Variants in PLPP4 observed in about 807,000 individuals in gnomAD.
PLPP4 encodes the protein phospholipid phosphatase 4.
A neutral mutation model predicts 32.2 loss-of-function variants in PLPP4; 20 were observed. That is an observed-to-expected ratio of 0.62 (90% CI 0.44 to 0.90). PLPP4 has a LOEUF of 0.90. Ranked by LOEUF, PLPP4 falls within the 40% of genes least tolerant of loss-of-function variation. PLPP4 has a pLI of 0.00. For missense variants in PLPP4, 257 were observed against 353.1 expected, an observed-to-expected ratio of 0.73 and a Z score of 2.18; for synonymous variants, 127 against 133.0, an observed-to-expected ratio of 0.95 and a Z score of 0.31.
chr10:120,573,867 A>G (rs11596999), intron 5 of PLPP4, among the ~76,000 whole-genome samples: 1 of 151,856 alleles, frequency 6.6e-6, no homozygotes, highest in Non-Finnish European at 1.5e-5. Flanking sequence ...AAATGCCTGC[A>G]TGATGCCCAG....
chr10:120,493,539 G>A (rs774955342), intron 1 of PLPP4, among the ~76,000 whole-genome samples: 1 of 152,124 alleles, frequency 6.6e-6, no homozygotes, highest in African/African-American at 2.4e-5. Flanking sequence ...TTACCCGCAC[G>A]GCCTGTTCTG....
intron 1 of PLPP4, among the ~76,000 whole-genome samples, chr10:120,460,573 G>A (rs550629880): frequency 6.6e-6 from 1 of 152,128 alleles, no homozygotes; most frequent in South Asian, 2.1e-4. Context: ...GCCTGATGAA[G>A]GGGGTATATT....
intron 5 of PLPP4, among the ~76,000 whole-genome samples, chr10:120,547,686 C>T (rs145902268): frequency 3.4e-4 from 51 of 152,222 alleles, no homozygotes; most frequent in Admixed American, 2.8e-3. Flanking sequence ...CATGAGGCAC[C>T]ATACCTTTCC....
chr10:120,526,471 CCTTTA>C (rs1846395744), intron 5 of PLPP4, among the ~76,000 whole-genome samples: 2 of 152,106 alleles, frequency 1.3e-5, no homozygotes, highest in Admixed American at 1.3e-4. Flanking sequence ...TAGCGTCTGG[CCTTTA>C]CTTTGAGGCT....
chr10:120,457,547 G>A (rs1244669297), intron 1 of PLPP4, among the ~76,000 whole-genome samples, 186 bp downstream of exon 1: 1 of 152,112 alleles, frequency 6.6e-6, no homozygotes, highest in East Asian at 1.9e-4. Context: ...CTCCTTCCTG[G>A]GACCCTAGGC....
intron 1 of PLPP4, among the ~76,000 whole-genome samples, chr10:120,485,672 C>G (rs1159441976): frequency 6.6e-6 from 1 of 152,090 alleles, no homozygotes; most frequent in African/African-American, 2.4e-5. Context: ...ATTATTGATT[C>G]ATTCATTAGG....
At chr10:120,576,310 C>T (rs557776004) in intron 6 of PLPP4, among the ~76,000 whole-genome samples, 82 of 152,302 alleles carry the variant, frequency 5.4e-4, no homozygotes, top group Non-Finnish European at 1.0e-3. Flanking sequence ...TCTTGTTTTC[C>T]GACTGTTGCT....
Position 120,589,351 on chromosome 10 carries a change from A to G in PLPP4, c.665A>G (p.Tyr222Cys), listed in dbSNP as rs1365270308. ...GGCCTCATTTTTGCATACATTTGCT[A>G]CAGACAGCACTATCCTCCTCTGGCC... ...VIGLIFAYIC[Y>C]RQHYPPLANT... Residue 222 changes from tyrosine (Y) to cysteine (C), a missense_variant, in exon 7 of 7, where the codon TAC becomes TGC. Physicochemically the swap from Tyr to Cys is radical, Grantham distance 194. Coordinates refer to ENST00000398250, the MANE Select transcript of PLPP4 (RefSeq NM_001030059.3). 2 of 1,613,994 alleles carry G rather than the reference A, an allele frequency of 1.2e-6. No individual in the cohort carries two copies. The highest frequency in any genetic ancestry group is 1.7e-6 in the Non-Finnish European group (2 of 1,180,030).
chr10:120,574,776 T>C (rs1326402332), intron 5 of PLPP4, among the ~76,000 whole-genome samples: 1 of 152,208 alleles, frequency 6.6e-6, no homozygotes, highest in African/African-American at 2.4e-5. Context: ...GGTATGTCCT[T>C]CAACTAGACC....
At chr10:120,488,313 G>T (rs537387823) in intron 1 of PLPP4, among the ~76,000 whole-genome samples, 10 of 152,214 alleles carry the variant, frequency 6.6e-5, no homozygotes, top group Non-Finnish European at 1.2e-4. Context: ...GAATGAATGA[G>T]TGAGTGAATG....
intron 5 of PLPP4, among the ~76,000 whole-genome samples, chr10:120,541,584 A>G (rs578261220): frequency 1.3e-5 from 2 of 152,320 alleles, no homozygotes; most frequent in South Asian, 4.1e-4. Flanking sequence ...GGGGGGACAT[A>G]TATTTACTCA....
intron 1 of PLPP4, among the ~76,000 whole-genome samples, chr10:120,462,567 G>T (rs535812489): frequency 6.6e-6 from 1 of 152,160 alleles, no homozygotes; most frequent in African/African-American, 2.4e-5. Context: ...CCTAGCCTTG[G>T]CACAAGCATG....
intron 5 of PLPP4, among the ~76,000 whole-genome samples, chr10:120,567,605 A>G (rs760127556): frequency 6.6e-6 from 1 of 152,196 alleles, no homozygotes; most frequent in Non-Finnish European, 1.5e-5. Flanking sequence ...GGGGCAAGTC[A>G]CTGCTTGGAC....
At position 120,578,778 on chromosome 10, in the gene PLPP4, G is replaced by T. The variant is rs189689600; in HGVS notation, c.616+3477G>T. Among the ~76,000 whole-genome samples the T allele has an allele frequency of 2.4e-3, 369 of 152,284 alleles. 7 individuals carry two copies. The highest frequency in any genetic ancestry group is 8.4e-3 in the African/African-American group (348 of 41,556). On this transcript the variant is annotated intron_variant, in intron 6 of 6. Coordinates refer to ENST00000398250, the MANE Select transcript of PLPP4 (RefSeq NM_001030059.3). ...GCAGAACTTCCCCAGACACAAAACCGGTGGGATCAATACTAAATCTCTGTG... is the reference window on the plus strand; with the variant it reads ...GCAGAACTTCCCCAGACACAAAACCTGTGGGATCAATACTAAATCTCTGTG...
chr10:120,484,204 T>C (rs1473725362), intron 1 of PLPP4, among the ~76,000 whole-genome samples: 2 of 152,236 alleles, frequency 1.3e-5, no homozygotes, highest in Non-Finnish European at 2.9e-5. Context: ...CTATAAACAA[T>C]AACAATATTA....
intron 1 of PLPP4, among the ~76,000 whole-genome samples, chr10:120,476,609 G>T (rs540664449): frequency 1.3e-5 from 2 of 152,246 alleles, no homozygotes; most frequent in African/African-American, 4.8e-5. Flanking sequence ...CCCGCCCACT[G>T]CGGGTCATAA....
intron 5 of PLPP4, among the ~76,000 whole-genome samples, chr10:120,540,080 A>G (rs1847267802): frequency 6.6e-6 from 1 of 151,636 alleles, no homozygotes; most frequent in Admixed American, 6.6e-5. Flanking sequence ...TGTCCTAGGG[A>G]TTATTTCCCA....
chr10:120,554,226 T>G (rs763263459), intron 5 of PLPP4, among the ~76,000 whole-genome samples: 3 of 152,168 alleles, frequency 2.0e-5, no homozygotes, highest in Non-Finnish European at 4.4e-5. Context: ...CACTCTCAAG[T>G]TCAAAGTTCC....
chr10:120,532,355 A>G (rs2133939655), intron 5 of PLPP4, among the ~76,000 whole-genome samples: 1 of 152,260 alleles, frequency 6.6e-6, no homozygotes, highest in South Asian at 2.1e-4. Flanking sequence ...TATTGTGAAT[A>G]GTGCTGCAAT....
Sources: gnomAD v4.1 joint callset for allele counts (sites outside exome capture counted in the v4.1 genomes callset) on GRCh38, gnomAD v4.1.1 for gene constraint, MANE v1.5 for transcripts, NCBI Gene and HGNC (gene_info 2026-07-23, HGNC 2026-07-21) for gene names.